Variants in MOB3B observed in about 807,000 individuals in gnomAD.
MOB3B encodes the protein MOB kinase activator-like 2B.
A neutral mutation model predicts 18.7 loss-of-function variants in MOB3B; 7 were observed. The ratio of observed to expected loss-of-function variants is 0.37; its 90% CI spans 0.21 to 0.70. The LOEUF (loss-of-function observed/expected upper bound fraction) is 0.70. MOB3B is among the 30% of genes least tolerant of loss of function. The pLI, the probability that MOB3B is intolerant of heterozygous loss-of-function variation, is 0.52. For synonymous variants in MOB3B, 111 were observed against 99.9 expected (o/e 1.11, Z -0.66); for missense variants, 253 against 281.3 (o/e 0.90, Z 0.72).
intron 1 of MOB3B, among the ~76,000 whole-genome samples, chr9:27,520,078 T>C (rs1334062562): frequency 6.6e-6 from 1 of 152,184 alleles, no homozygotes; most frequent in Non-Finnish European, 1.5e-5. Context: ...GTAATATGGA[T>C]GATCAATGTG....
intron 1 of MOB3B, among the ~76,000 whole-genome samples, chr9:27,486,321 C>G (rs1233488486): frequency 6.6e-6 from 1 of 152,178 alleles, no homozygotes; most frequent in Admixed American, 6.5e-5. Context: ...CAATACCTAT[C>G]TAAAGTTTCA....
At chr9:27,419,024 A>G (rs2131409799) in intron 2 of MOB3B, among the ~76,000 whole-genome samples, 1 of 151,356 alleles carries the variant, frequency 6.6e-6, no homozygotes, top group East Asian at 2.0e-4. Flanking sequence ...CAAGCGGGGA[A>G]TCAAATCAAG....
At chr9:27,455,787 G>T (rs917929621) in intron 1 of MOB3B, 39 bp from the exon 2 acceptor site, 3 of 1,395,368 alleles carry the variant, frequency 2.1e-6, no homozygotes, top group South Asian at 1.6e-5. Flanking sequence ...TGAGTGCCCA[G>T]TTCGCCTTTA....
chr9:27,505,453 A>C (rs1820044319), intron 1 of MOB3B, among the ~76,000 whole-genome samples: 1 of 152,224 alleles, frequency 6.6e-6, no homozygotes, highest in Non-Finnish European at 1.5e-5. Context: ...TCCTTCTTGG[A>C]CACTCACAAT....
chr9:27,406,200 A>T (rs557339178), intron 2 of MOB3B, among the ~76,000 whole-genome samples: 8 of 152,366 alleles, frequency 5.3e-5, no homozygotes, highest in Admixed American at 3.9e-4. Flanking sequence ...AAAAACTATT[A>T]GAATTGATGA....
At chr9:27,506,555 G>A (rs199803027) in intron 1 of MOB3B, among the ~76,000 whole-genome samples, 6 of 149,934 alleles carry the variant, frequency 4.0e-5, no homozygotes, top group Non-Finnish European at 5.9e-5. Context: ...TTTTTGAGAC[G>A]GAGTCTCACT....
chr9:27,458,756 T>C (rs192660927), intron 1 of MOB3B, among the ~76,000 whole-genome samples: 3 of 151,862 alleles, frequency 2.0e-5, no homozygotes, highest in Admixed American at 2.0e-4. Flanking sequence ...TGGTCTCACT[T>C]TGTTGCCTAG....
intron 2 of MOB3B, among the ~76,000 whole-genome samples, chr9:27,390,906 T>G (rs935682968): frequency 1.3e-5 from 2 of 152,196 alleles, no homozygotes; most frequent in African/African-American, 4.8e-5. Flanking sequence ...TTCCACCACC[T>G]GAGGACACAC....
chr9:27,483,677 T>C (rs879712377), intron 1 of MOB3B, among the ~76,000 whole-genome samples: 3 of 152,164 alleles, frequency 2.0e-5, no homozygotes, highest in Non-Finnish European at 4.4e-5. Flanking sequence ...GCTGCACAGA[T>C]TATATTTAAT....
chr9:27,387,673 A>G (rs1821667165), intron 2 of MOB3B, among the ~76,000 whole-genome samples: 1 of 152,076 alleles, frequency 6.6e-6, no homozygotes. Flanking sequence ...CATCACCAAC[A>G]CTGATGGGAA....
intron 1 of MOB3B, among the ~76,000 whole-genome samples, chr9:27,486,556 C>T (rs1819732390): frequency 6.6e-6 from 1 of 152,164 alleles, no homozygotes; most frequent in Admixed American, 6.5e-5. Context: ...AGTCCTGTGG[C>T]ATCCAAGTGT....
At chr9:27,358,983 G>A (rs1366355365) in intron 3 of MOB3B, 51 bp downstream of exon 3, 1 of 1,570,992 alleles carries the variant, frequency 6.4e-7, no homozygotes, top group Admixed American at 1.7e-5. Context: ...TCTGACAAAT[G>A]GCCGAGCTCC....
chr9:27,509,742 T>C (rs1820114255), intron 1 of MOB3B, among the ~76,000 whole-genome samples: 1 of 151,760 alleles, frequency 6.6e-6, no homozygotes, highest in African/African-American at 2.4e-5. Flanking sequence ...TGGAGGTTTT[T>C]TGAGAGGAGT....
chr9:27,330,511 G>C lies in MOB3B; in HGVS notation c.*76C>G. 1.2e-6 allele frequency: 2 copies of C among 1,603,024 alleles called. No homozygotes were observed. Among genetic ancestry groups the C allele is most frequent in the Non-Finnish European group, 1.7e-6 (2 of 1,173,744 alleles). On this transcript the variant is annotated 3_prime_UTR_variant, in exon 4 of 4. Transcript: ENST00000262244. ...GGGAGTAGGTGTGTCATTTCAGCCA[G>C]GGTGGTCCACCTCCTGCCCGCTCAG...
At chr9:27,522,087 A>G (rs1337137146) in intron 1 of MOB3B, among the ~76,000 whole-genome samples, 6 of 151,568 alleles carry the variant, frequency 4.0e-5, no homozygotes, top group African/African-American at 1.5e-4. Context: ...CTAAAATACA[A>G]AAAAATTAAC....
intron 3 of MOB3B, among the ~76,000 whole-genome samples, chr9:27,336,650 A>G (rs1352027269): frequency 6.6e-6 from 1 of 152,096 alleles, no homozygotes; most frequent in African/African-American, 2.4e-5. Flanking sequence ...CACATCTGAC[A>G]TTATGTTGTG....
intron 1 of MOB3B, among the ~76,000 whole-genome samples, chr9:27,486,826 A>G (rs928231790): frequency 2.0e-5 from 3 of 152,218 alleles, no homozygotes; most frequent in Non-Finnish European, 4.4e-5. Context: ...GACTCAAGGC[A>G]GCTTAAGAAT....
intron 1 of MOB3B, among the ~76,000 whole-genome samples, chr9:27,516,086 A>G (rs1454762847): frequency 6.6e-6 from 1 of 152,226 alleles, no homozygotes; most frequent in East Asian, 1.9e-4. Flanking sequence ...AAGAACACTA[A>G]GTACTACCAG....
At chr9:27,374,878 A>G (rs1025252926) in intron 2 of MOB3B, among the ~76,000 whole-genome samples, 1 of 152,170 alleles carries the variant, frequency 6.6e-6, no homozygotes, top group Non-Finnish European at 1.5e-5. Flanking sequence ...CATTCCATTT[A>G]TTTATATTGC....
Sources: allele counts gnomAD v4.1 joint callset (sites outside exome capture counted in the v4.1 genomes callset), GRCh38; gene constraint gnomAD v4.1.1; transcripts MANE v1.5; gene names NCBI Gene and HGNC (gene_info 2026-07-23, HGNC 2026-07-21).